The following GKAP1 variants were observed in gnomAD, a reference collection of about 807,000 sequenced individuals.
GKAP1 encodes G kinase anchoring protein 1.
A neutral mutation model predicts 56.7 loss-of-function variants in GKAP1; 31 were observed. That is an observed-to-expected ratio of 0.55 (90% CI 0.41 to 0.74). The LOEUF (loss-of-function observed/expected upper bound fraction) is 0.74. Among genes scored for constraint, GKAP1 ranks in the 30% least tolerant of loss-of-function variants. The pLI, the probability that GKAP1 is intolerant of heterozygous loss-of-function variation, is 0.00. For missense variants in GKAP1, 364 were observed against 402.3 expected (o/e 0.90, Z 0.82); for synonymous variants, 151 against 138.6 (o/e 1.09, Z -0.63).
At chr9:83,806,784 A>C (rs1944445667) in intron 2 of GKAP1, among the ~76,000 whole-genome samples, 1 of 152,224 alleles carries the variant, frequency 6.6e-6, no homozygotes, top group Non-Finnish European at 1.5e-5. Context: ...GATATAATGT[A>C]CTCATTTTTC....
intron 4 of GKAP1, among the ~76,000 whole-genome samples, chr9:83,797,596 G>T (rs1944267932): frequency 6.6e-6 from 1 of 152,130 alleles, no homozygotes; most frequent in Admixed American, 6.6e-5. Flanking sequence ...TGACCCATCA[G>T]TAGTATACTC....
Position 83,768,798 on chromosome 9 carries a change from G to A in GKAP1, c.738+20C>T. 1 of 1,592,722 alleles carries A rather than the reference G, an allele frequency of 6.3e-7. No homozygotes were observed. ...TTTCAATTTCACTGTGATTTTAAGAGAATTTTCTACTTTACATGCCTGGTT... is the reference window on the plus strand; with the variant it reads ...TTTCAATTTCACTGTGATTTTAAGAAAATTTTCTACTTTACATGCCTGGTT... On this transcript the variant is annotated intron_variant, in intron 8 of 12. Coordinates refer to ENST00000376371, the MANE Select transcript of GKAP1 (RefSeq NM_025211.4).
At chr9:83,805,155 A>C (rs1423180913) in intron 3 of GKAP1, among the ~76,000 whole-genome samples, 1 of 152,156 alleles carries the variant, frequency 6.6e-6, no homozygotes, top group Non-Finnish European at 1.5e-5. Context: ...GATCCTGTTG[A>C]TCGGTGACCT....
chr9:83,804,264 C>A (rs1388282018), intron 3 of GKAP1, among the ~76,000 whole-genome samples: 3 of 147,906 alleles, frequency 2.0e-5, no homozygotes, highest in African/African-American at 7.5e-5. Context: ...GCTCAGCCCC[C>A]CGCCCGGCCA....
At chr9:83,775,874 C>CAAAAAAAAAAAAAAAAAAAAAAAAA in intron 7 of GKAP1, among the ~76,000 whole-genome samples, 1 of 43,712 alleles carries the variant, frequency 2.3e-5, no homozygotes, top group South Asian at 1.3e-3. Context: ...GACTCTGTCT[C>CAAAAAAAAAAAAAAAAAAAAAAAAA]AAAAAAAAAA....
intron 2 of GKAP1, among the ~76,000 whole-genome samples, chr9:83,808,132 T>C (rs923038281): frequency 6.6e-6 from 1 of 152,192 alleles, no homozygotes; most frequent in Non-Finnish European, 1.5e-5. Flanking sequence ...ACAGAGATGA[T>C]ACCACATTGA....
chr9:83,768,570 G>T lies in GKAP1; in HGVS notation c.738+248C>A, dbSNP rs536281149. 3.5e-4 allele frequency among the ~76,000 whole-genome samples: 54 copies of T among 152,156 alleles called. 2 individuals are homozygous for T. In the South Asian group the frequency reaches 0.01, roughly 29 times the overall value. ...TCTTCGTGTTTCCACTCCCTCATAC[G>T]AGTGCCTAACAGTACATAGCTTATG... is the stretch of plus-strand genomic sequence containing the variant. On this transcript the variant is annotated intron_variant, in intron 8 of 12. Transcript: ENST00000376371.
Position 83,784,750 on chromosome 9 carries a change from G to T in GKAP1, c.527C>A (p.Pro176His), listed in dbSNP as rs749922734. 6.2e-6 allele frequency: 10 copies of T among 1,601,476 alleles called. No homozygotes were observed. The East Asian group carries it at 1.8e-4, about 29-fold the overall frequency. The change falls in exon 6 of 13, where the codon CCT becomes CAT. Residue 176 changes from proline to histidine, a missense_variant. By Grantham distance (77) the Pro-to-His change is moderately conservative. Coordinates refer to ENST00000376371, the MANE Select transcript of GKAP1 (RefSeq NM_025211.4). ...KRKNHQGKDRPLTVSLKDFHS... is the reference protein window; with the variant it reads ...KRKNHQGKDRHLTVSLKDFHS... ...AAAATCTTTTAGTGATACTGTGAGAGGTCTGTCTTTTCCCTGATGATTCTT... is the reference window on the plus strand; with the variant it reads ...AAAATCTTTTAGTGATACTGTGAGATGTCTGTCTTTTCCCTGATGATTCTT...
intron 7 of GKAP1, among the ~76,000 whole-genome samples, chr9:83,770,865 T>C (rs1263119942): frequency 6.6e-6 from 1 of 152,100 alleles, no homozygotes; most frequent in East Asian, 1.9e-4. Context: ...CGGCGTTACA[T>C]TACGTTTTAA....
intron 9 of GKAP1, 44 bp from the exon 10 acceptor site, chr9:83,748,416 G>C: frequency 9.0e-7 from 1 of 1,105,422 alleles, no homozygotes; most frequent in Non-Finnish European, 1.3e-6. Flanking sequence ...AAAAGTAAGT[G>C]ATATAATTAA....
At chr9:83,804,429 C>T (rs1944395921) in intron 3 of GKAP1, among the ~76,000 whole-genome samples, 1 of 139,868 alleles carries the variant, frequency 7.1e-6, no homozygotes, top group African/African-American at 2.7e-5. Context: ...GCCAGCCACC[C>T]CGTCCGGGAG....
At chr9:83,765,620 G>C (rs1253415445) in intron 8 of GKAP1, among the ~76,000 whole-genome samples, 1 of 152,216 alleles carries the variant, frequency 6.6e-6, no homozygotes, top group African/African-American at 2.4e-5. Flanking sequence ...CACCATGGGA[G>C]CACATCTCTT....
chr9:83,773,120 C>T (rs548305976), intron 7 of GKAP1, among the ~76,000 whole-genome samples: 1 of 152,292 alleles, frequency 6.6e-6, no homozygotes, highest in African/African-American at 2.4e-5. Flanking sequence ...CAAAGACATA[C>T]GTCAAATGTG....
intron 4 of GKAP1, among the ~76,000 whole-genome samples, chr9:83,790,742 G>C (rs2131301466): frequency 6.6e-6 from 1 of 152,232 alleles, no homozygotes; most frequent in Non-Finnish European, 1.5e-5. Context: ...AAACCCAGAG[G>C]CGGAGGTTGC....
chr9:83,809,491 G>A (rs1944479652), intron 2 of GKAP1, among the ~76,000 whole-genome samples: 1 of 152,334 alleles, frequency 6.6e-6, no homozygotes, highest in Non-Finnish European at 1.5e-5. Context: ...CATTATCATA[G>A]ACAGGCTTGT....
chr9:83,770,908 G>T (rs116086998), intron 7 of GKAP1, among the ~76,000 whole-genome samples: 1,994 of 152,150 alleles, frequency 0.013, 56 homozygotes, highest in African/African-American at 0.045. Flanking sequence ...CATGCCAATA[G>T]AAGATTTTTA....
At chr9:83,751,854 A>C (rs1420784284) in intron 9 of GKAP1, among the ~76,000 whole-genome samples, 2 of 152,084 alleles carry the variant, frequency 1.3e-5, no homozygotes, top group Non-Finnish European at 2.9e-5. Context: ...GAGAAACTGG[A>C]ACCTTTGTTC....
At chr9:83,751,553 G>A (rs1011303277) in intron 9 of GKAP1, among the ~76,000 whole-genome samples, 2 of 152,100 alleles carry the variant, frequency 1.3e-5, no homozygotes, top group Non-Finnish European at 2.9e-5. Context: ...TTTTAGTAGG[G>A]ATGATTCTTA....
intron 3 of GKAP1, among the ~76,000 whole-genome samples, chr9:83,801,220 A>G (rs1303562130): frequency 6.6e-6 from 1 of 152,182 alleles, no homozygotes; most frequent in Non-Finnish European, 1.5e-5. Flanking sequence ...GGACACAGCA[A>G]GCCAAAGGAA....
Sources: allele counts gnomAD v4.1 joint callset (sites outside exome capture counted in the v4.1 genomes callset), GRCh38; gene constraint gnomAD v4.1.1; transcripts MANE v1.5; gene names NCBI Gene and HGNC (gene_info 2026-07-23, HGNC 2026-07-21).